The following PHF24 variants were observed in gnomAD, a reference collection of about 807,000 sequenced individuals.
PHF24 encodes the protein PHD finger protein 24, also known as Galpha inhibitory interacting protein.
Under a neutral mutation model 42.6 loss-of-function variants are expected in PHF24, and 25 were observed. The observed-to-expected ratio is 0.59, with a 90% confidence interval of 0.43 to 0.82. PHF24 has a LOEUF of 0.82. Ranked by LOEUF, PHF24 falls within the 40% of genes least tolerant of loss-of-function variation. The pLI, the probability that PHF24 is intolerant of heterozygous loss-of-function variation, is 0.00. For missense variants in PHF24, 470 were observed against 538.1 expected (o/e 0.87, Z 1.25); for synonymous variants, 185 against 204.8 (o/e 0.90, Z 0.83).
At chr9:34,860,240 G>A in the PHF24 span, among the ~76,000 whole-genome samples, 1 of 152,180 alleles carries the variant, frequency 6.6e-6, no homozygotes, top group Non-Finnish European at 1.5e-5. Context: ...AATATCTTAA[G>A]AGTCATTGTA....
At chr9:34,769,917 A>G in the PHF24 span, among the ~76,000 whole-genome samples, 1 of 152,218 alleles carries the variant, frequency 6.6e-6, no homozygotes, top group Non-Finnish European at 1.5e-5. Flanking sequence ...AAATTAATAG[A>G]GGATTTAATT....
the PHF24 span, among the ~76,000 whole-genome samples, chr9:34,705,843 C>T: frequency 1.2e-4 from 18 of 152,028 alleles, no homozygotes; most frequent in African/African-American, 3.1e-4. Context: ...GCGGGTGGAG[C>T]GCTTGAGCCC....
At chr9:34,913,523 A>G in the PHF24 span, among the ~76,000 whole-genome samples, 33 of 152,232 alleles carry the variant, frequency 2.2e-4, no homozygotes, top group Admixed American at 6.5e-4. Context: ...CTATCATTTT[A>G]TTATCCATAA....
the PHF24 span, among the ~76,000 whole-genome samples, chr9:34,698,463 TA>T: frequency 6.6e-6 from 1 of 152,206 alleles, no homozygotes; most frequent in African/African-American, 2.4e-5. Context: ...ATGGCTGGAT[TA>T]TTGCATAAAG....
At chr9:34,868,981 A>G in the PHF24 span, among the ~76,000 whole-genome samples, 1 of 152,072 alleles carries the variant, frequency 6.6e-6, no homozygotes, top group Non-Finnish European at 1.5e-5. Flanking sequence ...TTCAGCTCCC[A>G]CTTATAAGTG....
the PHF24 span, among the ~76,000 whole-genome samples, chr9:34,731,597 A>T: frequency 1.2e-4 from 19 of 152,212 alleles, no homozygotes; most frequent in African/African-American, 4.6e-4. Context: ...AATGTTCTTC[A>T]GTTCCATTCA....
the PHF24 span, among the ~76,000 whole-genome samples, chr9:34,736,767 A>G: frequency 6.6e-6 from 1 of 152,364 alleles, no homozygotes; most frequent in East Asian, 1.9e-4. Context: ...AAAAGGAAAC[A>G]TTATATAAAG....
the PHF24 span, among the ~76,000 whole-genome samples, chr9:34,688,312 C>T: frequency 6.6e-6 from 1 of 152,168 alleles, no homozygotes; most frequent in South Asian, 2.1e-4. Flanking sequence ...GCTGGAGAGG[C>T]CCTTAGAGAA....
At chr9:34,940,152 A>G in the PHF24 span, among the ~76,000 whole-genome samples, 1 of 152,146 alleles carries the variant, frequency 6.6e-6, no homozygotes, top group African/African-American at 2.4e-5. Context: ...CCAGTGAAAC[A>G]GTGGGCCTTA....
At chr9:34,784,312 A>G in the PHF24 span, among the ~76,000 whole-genome samples, 1 of 152,216 alleles carries the variant, frequency 6.6e-6, no homozygotes, top group Non-Finnish European at 1.5e-5. Context: ...GATGTTCTCA[A>G]CTAGGAGTTC....
upstream of PHF24, among the ~76,000 whole-genome samples, chr9:34,956,433 T>C (rs1316826446): frequency 1.3e-5 from 2 of 152,172 alleles, no homozygotes; most frequent in African/African-American, 2.4e-5. Flanking sequence ...CTAATTGTTG[T>C]GTTTTTAGTA....
chr9:34,976,045 A>T (rs956151759), intron 3 of PHF24, 107 bp from the exon 4 acceptor site: 1 of 771,656 alleles, frequency 1.3e-6, no homozygotes, highest in African/African-American at 1.7e-5. Context: ...CTGGGATTAG[A>T]TGATCTTGGA....
the PHF24 span, chr9:34,728,590 G>A: frequency 6.5e-7 from 1 of 1,549,544 alleles, no homozygotes; most frequent in Non-Finnish European, 8.7e-7. Context: ...GGGAGTCAGA[G>A]GAGAGATTGG....
At chr9:34,791,944 AAGAT>A in the PHF24 span, among the ~76,000 whole-genome samples, 2 of 152,244 alleles carry the variant, frequency 1.3e-5, no homozygotes, top group Non-Finnish European at 2.9e-5. Context: ...GCTCTTTCTA[AAGAT>A]AGATAGAGCC....
chr9:34,889,305 G>A, the PHF24 span: 4 of 398,582 alleles, frequency 1.0e-5, no homozygotes, highest in Non-Finnish European at 1.8e-5. Context: ...AGCATTTGTA[G>A]GAGTGGCACA....
At chr9:34,938,201 T>C in the PHF24 span, among the ~76,000 whole-genome samples, 24,504 of 152,198 alleles carry the variant, frequency 0.16, 2,105 homozygotes, top group South Asian at 0.25. Context: ...TGGTCTCTTA[T>C]AAAACAGAAC....
At chr9:34,950,954 C>T in the PHF24 span, among the ~76,000 whole-genome samples, 11 of 151,858 alleles carry the variant, frequency 7.2e-5, no homozygotes, top group Admixed American at 5.9e-4. Context: ...GAAAAAGACA[C>T]GAATTACCAA....
At chr9:34,680,795 CTGACTG>C in the PHF24 span, 1 of 144,304 alleles carries the variant, frequency 6.9e-6, no homozygotes, top group Non-Finnish European at 1.6e-5. Context: ...TGCAGAACTA[CTGACTG>C]TAACTTTTAT....
the PHF24 span, among the ~76,000 whole-genome samples, chr9:34,768,024 T>C: frequency 6.6e-6 from 1 of 152,226 alleles, no homozygotes; most frequent in Admixed American, 6.5e-5. Context: ...AACTCAGACA[T>C]TGGTCCACCA....
Sources: gnomAD v4.1 joint callset for allele counts (sites outside exome capture counted in the v4.1 genomes callset) on GRCh38, gnomAD v4.1.1 for gene constraint, MANE v1.5 for transcripts, NCBI Gene and HGNC (gene_info 2026-07-23, HGNC 2026-07-21) for gene names.